The following SNRNP200 variants were observed in gnomAD, a reference collection of about 807,000 sequenced individuals.
SNRNP200 encodes the protein U5 small nuclear ribonucleoprotein 200 kDa helicase.
SNRNP200 carries 66 observed loss-of-function variants against 255.2 expected under a neutral mutation model. That is an observed-to-expected ratio of 0.26 (90% confidence interval 0.21 to 0.32). The LOEUF is 0.32. Among genes scored for constraint, SNRNP200 ranks in the 10% least tolerant of loss-of-function variants. The pLI is 1.00. For missense variants in SNRNP200, 1,585 were observed against 2,749.8 expected, an observed-to-expected ratio of 0.58 and a Z score of 9.47; for synonymous variants, 939 against 1,027.8, an observed-to-expected ratio of 0.91 and a Z score of 1.65.
Position 96,305,516 on chromosome 2 carries a change from C to G in SNRNP200, c.-79G>C. On this transcript the variant is annotated 5_prime_UTR_variant, in exon 1 of 45. Coordinates refer to ENST00000323853, the MANE Select transcript of SNRNP200 (RefSeq NM_014014.5). ...AAACGGCCGCAGATCTCTGCTCCCGCCGCGCCGGAACGACGCAGGAAAGAC... is the reference window on the plus strand; with the variant it reads ...AAACGGCCGCAGATCTCTGCTCCCGGCGCGCCGGAACGACGCAGGAAAGAC... The G allele has an allele frequency of 6.3e-7, 1 of 1,593,284 alleles. No individual in the cohort carries two copies. Among genetic ancestry groups the G allele is most frequent in the Non-Finnish European group, 8.6e-7 (1 of 1,164,688 alleles).
At chr2:96,302,667 A>G (rs576866856) in intron 3 of SNRNP200, among the ~76,000 whole-genome samples, 1 of 152,346 alleles carries the variant, frequency 6.6e-6, no homozygotes, top group African/African-American at 2.4e-5. Flanking sequence ...TGCCAGTCAC[A>G]AGCACAGGTT....
chr2:96,276,108 A>G (rs191016566), intron 43 of SNRNP200, among the ~76,000 whole-genome samples: 12 of 152,384 alleles, frequency 7.9e-5, no homozygotes, highest in Admixed American at 7.8e-4. Context: ...ACAAAGACGA[A>G]GAGTCCCAGT....
At position 96,281,809 on chromosome 2, in the gene SNRNP200, C is replaced by T; in HGVS notation, c.5024+5G>A. 1 of 1,602,628 alleles carries T rather than the reference C, an allele frequency of 6.2e-7. No individual in the cohort carries two copies. The highest frequency in any genetic ancestry group is 8.6e-7 in the Non-Finnish European group (1 of 1,169,484). ...GTGCTAACACAGAGCACCAGTTGTA[C>T]TCACGCGTGGATCTTGCCATTGTAG... On this transcript the variant is annotated splice_donor_5th_base_variant and intron_variant, in intron 35 of 44. Transcript: ENST00000323853.
At chr2:96,289,514 T>A (rs1395477907) in intron 21 of SNRNP200, 135 bp from the exon 22 acceptor site, 3 of 950,362 alleles carry the variant, frequency 3.2e-6, no homozygotes, top group African/African-American at 1.6e-5. Context: ...GTCATTATTG[T>A]CCTAATAGGA....
intron 35 of SNRNP200, among the ~76,000 whole-genome samples, chr2:96,280,437 G>A (rs549164966): frequency 3.3e-5 from 5 of 152,072 alleles, no homozygotes; most frequent in Admixed American, 1.3e-4. Context: ...GGCAGAGGCT[G>A]TAGTGGGCTG....
In SNRNP200 at chr2:96,291,452, T is replaced by C. The variant is rs1452182167; in HGVS notation, c.2361A>G (p.Ala787=). ...LLPYGFAIHH[A]GMTRVDRTLV... ...GTGTTCGGTCAACCCTGGTCATGCC[T>C]GCGTGATGAATAGCAAAGCCATAAG... The change falls in exon 18 of 45, where the codon GCA becomes GCG. Residue 787 remains alanine, a synonymous_variant. Coordinates refer to ENST00000323853, the MANE Select transcript of SNRNP200 (RefSeq NM_014014.5). The surrounding 1 kb of genome is among the most constrained non-coding windows in gnomAD (Gnocchi z 4.2). 6.2e-7 allele frequency: 1 copy of C among 1,613,634 alleles called. No individual in the cohort carries two copies. Among genetic ancestry groups the C allele is most frequent in the Admixed American group, 1.7e-5 (1 of 60,022 alleles).
chr2:96,301,790 G>A (rs532188199), intron 3 of SNRNP200, 74 bp from the exon 4 acceptor site: 98 of 1,536,922 alleles, frequency 6.4e-5, no homozygotes, highest in Middle Eastern at 2.0e-4. Context: ...TGTATGTGGC[G>A]GCAGGATGTG....
intron 5 of SNRNP200, among the ~76,000 whole-genome samples, chr2:96,299,783 T>C (rs535720204): frequency 2.0e-5 from 3 of 152,206 alleles, no homozygotes; most frequent in Non-Finnish European, 4.4e-5. Flanking sequence ...GACTCCGGAA[T>C]GAAGAGATCG....
chr2:96,292,845 C>G (rs929944920), intron 16 of SNRNP200, 127 bp downstream of exon 16: 1 of 1,104,354 alleles, frequency 9.1e-7, no homozygotes, highest in Non-Finnish European at 1.3e-6. Flanking sequence ...TATCCCATTT[C>G]ATAGCTGATA....
chr2:96,279,418 G>A (rs371539844), intron 36 of SNRNP200, 33 bp downstream of exon 36: 94 of 1,355,934 alleles, frequency 6.9e-5, no homozygotes, highest in African/African-American at 2.1e-4. Flanking sequence ...CTGAGGCTAC[G>A]GATCCAAGAG....
At position 96,297,367 on chromosome 2, in the gene SNRNP200, T is replaced by C. The variant is rs2063923432; in HGVS notation, c.1373A>G (p.Glu458Gly). The change falls in exon 11 of 45, where the codon GAA (glutamate) becomes GGA (glycine). Residue 458 changes from glutamate (E) to glycine (G), a missense_variant. Glu to Gly is a moderately conservative substitution (Grantham distance 98). Around this residue, in one of 9 missense-constraint regions of SNRNP200, gnomAD observed 383 missense variants for 645.3 expected, o/e 0.59. Coordinates refer to ENST00000323853, the MANE Select transcript of SNRNP200 (RefSeq NM_014014.5). ...TGAAGAAAGCAATTCACTTACTTCT[T>C]CTGAGCCAAAGGGCTTGGGCTTCAG... Reference protein sequence around the residue: ...PALKPKPFGSEEQLLPVEKLP... With the variant: ...PALKPKPFGSGEQLLPVEKLP... The C allele has an allele frequency of 1.2e-6, 2 of 1,613,452 alleles. No homozygotes were observed. The highest frequency in any genetic ancestry group is 1.7e-6 in the Non-Finnish European group (2 of 1,180,032).
chr2:96,290,102 A>G lies in SNRNP200; in HGVS notation c.2743-106T>C. Reference sequence around the variant, plus strand: ...TTAATTCCCAACTACAAGGATGCATATTACATCGTATTCTGAATGTTTTTA... The same window carrying G: ...TTAATTCCCAACTACAAGGATGCATGTTACATCGTATTCTGAATGTTTTTA... On this transcript the variant is annotated intron_variant, in intron 20 of 44. Coordinates refer to ENST00000323853, the MANE Select transcript of SNRNP200 (RefSeq NM_014014.5). This position sits in a 1 kb window ranked among gnomAD's most constrained non-coding sequence, Gnocchi z 4.5. 1 of 1,084,854 alleles carries G rather than the reference A, an allele frequency of 9.2e-7. No homozygotes were observed. 67.2% of individuals were successfully genotyped at this position (1,084,854 alleles called of 1,614,324 possible).
intron 12 of SNRNP200, 46 bp downstream of exon 12, chr2:96,296,887 T>A (rs1558770479): frequency 6.2e-7 from 1 of 1,613,536 alleles, no homozygotes; most frequent in East Asian, 2.2e-5. Flanking sequence ...CAACGGAAAC[T>A]CCACACCATA....
At position 96,275,288 on chromosome 2, in the gene SNRNP200, A is replaced by G; in HGVS notation, c.6236T>C (p.Ile2079Thr). Reference sequence around the variant, plus strand: ...CTTCTGCTGCAAGGTCAGCCTCTTGATGGAGATGAGGCTATTGGACTTGGC... The same window carrying G: ...CTTCTGCTGCAAGGTCAGCCTCTTGGTGGAGATGAGGCTATTGGACTTGGC... ...GDAKSNSLIS[I>T]KRLTLQQKAK... The change falls in exon 44 of 45, where the codon ATC becomes ACC. Residue 2079 changes from isoleucine to threonine, a missense_variant. Coordinates refer to ENST00000323853, the MANE Select transcript of SNRNP200 (RefSeq NM_014014.5). 6.2e-7 allele frequency: 1 copy of G among 1,614,144 alleles called. No homozygotes were observed. Among genetic ancestry groups the G allele is most frequent in the Non-Finnish European group, 8.5e-7 (1 of 1,180,018 alleles).
rs1006277928 is a variant in SNRNP200 at position 96,297,285 on chromosome 2, G to A, written c.1377+78C>T. ...CTGAAATAAACTATATATGAAACAAGGCTACATTTTGGTCAATGGTTGAAA... is the reference window on the plus strand; with the variant it reads ...CTGAAATAAACTATATATGAAACAAAGCTACATTTTGGTCAATGGTTGAAA... On this transcript the variant is annotated intron_variant, in intron 11 of 44. Coordinates refer to ENST00000323853, the MANE Select transcript of SNRNP200 (RefSeq NM_014014.5). 4.4e-6 allele frequency: 7 copies of A among 1,579,020 alleles called. No homozygotes were observed. In the South Asian group the frequency reaches 5.6e-5, roughly 13 times the overall value.
Position 96,274,940 on chromosome 2 carries a change from A to G in SNRNP200, c.*72T>C. ...GCCCACAGACCTGGTCCCCACAACC[A>G]GGATTCCTACAATGTACACATTCCT... On this transcript the variant is annotated 3_prime_UTR_variant, in exon 45 of 45. Coordinates refer to ENST00000323853, the MANE Select transcript of SNRNP200 (RefSeq NM_014014.5). The G allele has an allele frequency of 1.3e-6, 2 of 1,584,714 alleles. No individual in the cohort carries two copies. The highest frequency in any genetic ancestry group is 3.3e-5 in the Admixed American group (2 of 59,996).
chr2:96,301,794 G>T, intron 3 of SNRNP200, 78 bp from the exon 4 acceptor site: 2 of 1,512,474 alleles, frequency 1.3e-6, no homozygotes, highest in South Asian at 1.1e-5. Flanking sequence ...TGTGGCGGCA[G>T]GATGTGAAGA....
chr2:96,281,653 A>G (rs1173039974), intron 35 of SNRNP200, 161 bp downstream of exon 35: 4 of 671,356 alleles, frequency 6.0e-6, no homozygotes, highest in Non-Finnish European at 5.5e-6. Context: ...GAGCCTAGGT[A>G]TTGAGACACA....
At chr2:96,305,019 G>A in intron 1 of SNRNP200, 151 bp from the exon 2 acceptor site, 2 of 937,648 alleles carry the variant, frequency 2.1e-6, no homozygotes, top group South Asian at 1.4e-5. Context: ...GAATTGCATA[G>A]TATAACGCTG....
Sources: allele counts gnomAD v4.1 joint callset (sites outside exome capture counted in the v4.1 genomes callset), GRCh38; gene constraint gnomAD v4.1.1; regional missense constraint gnomAD v4.1.1; non-coding constraint Gnocchi (gnomAD v3.1); transcripts MANE v1.5; gene names NCBI Gene and HGNC (gene_info 2026-07-23, HGNC 2026-07-21).